VPS13B: variants seen among roughly 807,000 people sequenced by gnomAD.
The protein encoded by VPS13B is vacuolar protein sorting 13 homolog B, also known as intermembrane lipid transfer protein VPS13B.
In VPS13B, 285 loss-of-function variants were observed where a neutral mutation model predicts 426.4. The ratio of observed to expected loss-of-function variants is 0.67; its 90% CI spans 0.61 to 0.74. VPS13B has a LOEUF of 0.74. Among genes scored for constraint, VPS13B ranks in the 30% least tolerant of loss-of-function variants. The pLI, the probability that VPS13B is intolerant of heterozygous loss-of-function variation, is 0.00. For synonymous variants in VPS13B, 1,676 were observed against 1,676.4 expected (o/e 1.00, Z 0.01); for missense variants, 4,537 against 4,782.6 (o/e 0.95, Z 1.51).
intron 33 of VPS13B, among the ~76,000 whole-genome samples, chr8:99,614,809 A>G (rs1828008932): frequency 6.6e-6 from 1 of 152,084 alleles, no homozygotes; most frequent in Non-Finnish European, 1.5e-5. Flanking sequence ...GCCTTTACCA[A>G]GTTTCATGTT....
At chr8:99,064,630 G>C (rs886961508) in intron 3 of VPS13B, among the ~76,000 whole-genome samples, 6 of 152,318 alleles carry the variant, frequency 3.9e-5, no homozygotes, top group African/African-American at 1.4e-4. Context: ...ATCTGCTTTT[G>C]ATTAGTGTAC....
At chr8:99,209,491 A>T (rs1175317805) in intron 17 of VPS13B, 3 of 155,188 alleles carry the variant, frequency 1.9e-5, no homozygotes, top group African/African-American at 4.8e-5. Context: ...ATTCTGTTTT[A>T]GTAGGTAAGT....
At chr8:99,809,774 C>T (rs1813603630) in intron 44 of VPS13B, among the ~76,000 whole-genome samples, 1 of 152,126 alleles carries the variant, frequency 6.6e-6, no homozygotes, top group Non-Finnish European at 1.5e-5. Flanking sequence ...ATTTTAGTTT[C>T]ACCTCTTCTC....
At chr8:99,328,263 C>T (rs762052176) in intron 19 of VPS13B, among the ~76,000 whole-genome samples, 4 of 152,128 alleles carry the variant, frequency 2.6e-5, no homozygotes, top group Non-Finnish European at 4.4e-5. Context: ...GAACCAAGTC[C>T]GTGGTAAAAT....
chr8:99,382,796 A>G (rs952768383), intron 19 of VPS13B, among the ~76,000 whole-genome samples: 2 of 152,070 alleles, frequency 1.3e-5, no homozygotes, highest in African/African-American at 4.8e-5. Context: ...TCCTATCTGG[A>G]TAGCCTTTAT....
intron 14 of VPS13B, among the ~76,000 whole-genome samples, chr8:99,156,249 C>T (rs1416990133): frequency 6.6e-6 from 1 of 152,058 alleles, no homozygotes; most frequent in African/African-American, 2.4e-5. Context: ...AAAATATCTT[C>T]ATCATACTGA....
intron 3 of VPS13B, among the ~76,000 whole-genome samples, chr8:99,086,969 T>C (rs1413159655): frequency 6.6e-6 from 1 of 152,178 alleles, no homozygotes; most frequent in Non-Finnish European, 1.5e-5. Context: ...GGAGAACCAC[T>C]ACTCTCTTCA....
At chr8:99,060,618 A>AC (rs1844131586) in intron 3 of VPS13B, among the ~76,000 whole-genome samples, 1 of 151,778 alleles carries the variant, frequency 6.6e-6, no homozygotes, top group East Asian at 1.9e-4. Flanking sequence ...CAAAAACAAA[A>AC]AAAAAAATTG....
intron 21 of VPS13B, among the ~76,000 whole-genome samples, chr8:99,399,422 A>G (rs1286347072): frequency 6.6e-6 from 1 of 152,192 alleles, no homozygotes; most frequent in Non-Finnish European, 1.5e-5. Context: ...AAGGACTTCA[A>G]CAGATGCTAG....
chr8:99,366,622 C>T (rs982701691), intron 19 of VPS13B, among the ~76,000 whole-genome samples: 3 of 150,210 alleles, frequency 2.0e-5, no homozygotes. Context: ...TAAGTAAAGA[C>T]TTTCTTCTGC....
chr8:99,339,436 T>A (rs1474719220), intron 19 of VPS13B, among the ~76,000 whole-genome samples: 1 of 151,890 alleles, frequency 6.6e-6, no homozygotes, highest in Non-Finnish European at 1.5e-5. Flanking sequence ...AATGACCAGA[T>A]CTCATGAGAA....
chr8:99,831,640 A>G (rs1162706017), intron 51 of VPS13B, among the ~76,000 whole-genome samples: 1 of 152,186 alleles, frequency 6.6e-6, no homozygotes, highest in African/African-American at 2.4e-5. Flanking sequence ...ACATAGACCA[A>G]AAATATTCAG....
intron 35 of VPS13B, among the ~76,000 whole-genome samples, chr8:99,664,596 C>G (rs1830390226): frequency 6.6e-6 from 1 of 151,998 alleles, no homozygotes; most frequent in African/African-American, 2.4e-5. Context: ...TGATAGTTTG[C>G]TGAGAATGAT....
In VPS13B at chr8:99,594,302, T is replaced by C. The variant is rs115493452; in HGVS notation, c.5220+16669T>C. Among the ~76,000 whole-genome samples, 673 of 152,010 alleles carry C rather than the reference T, an allele frequency of 4.4e-3. 5 individuals carry two copies. The highest frequency in any genetic ancestry group is 0.014 in the African/African-American group (601 of 41,474). ...TCTGTGTGGCCTTGGACATGTTACT[T>C]TAATTCATGTGAGCTTCAATTTAAT... is the stretch of plus-strand genomic sequence containing the variant. On this transcript the variant is annotated intron_variant, in intron 33 of 61. Coordinates refer to ENST00000357162, the MANE Select transcript of VPS13B (RefSeq NM_152564.5).
chr8:99,014,049 T>C (rs1316350757), intron 2 of VPS13B, 114 bp downstream of exon 2: 33 of 1,304,100 alleles, frequency 2.5e-5, no homozygotes, highest in Non-Finnish European at 3.5e-5. Flanking sequence ...TCTACTGATG[T>C]ATTTTGAGCT....
intron 17 of VPS13B, among the ~76,000 whole-genome samples, chr8:99,211,170 T>A (rs6998284): frequency 0.83 from 125,158 of 151,602 alleles, 52,175 homozygotes; most frequent in South Asian, 0.89. Flanking sequence ...AGAGGCTGAA[T>A]GAAGTAGGCA....
At chr8:99,828,423 T>G (rs1814850084) in intron 51 of VPS13B, among the ~76,000 whole-genome samples, 3 of 106,810 alleles carry the variant, frequency 2.8e-5, no homozygotes, top group South Asian at 6.5e-4. Flanking sequence ...TTTTTTTTTT[T>G]TTTTTTTTTT....
chr8:99,702,931 A>G (rs1832344546), intron 36 of VPS13B, among the ~76,000 whole-genome samples: 2 of 152,212 alleles, frequency 1.3e-5, no homozygotes, highest in South Asian at 4.1e-4. Flanking sequence ...CACCATTGAG[A>G]ATGTGTTTTA....
intron 39 of VPS13B, among the ~76,000 whole-genome samples, chr8:99,750,833 G>T (rs928471200): frequency 2.6e-5 from 4 of 152,110 alleles, no homozygotes; most frequent in Non-Finnish European, 4.4e-5. Context: ...ATTGGGGAGG[G>T]CTGTTTGTTT....
Sources: gnomAD v4.1 joint callset for allele counts (sites outside exome capture counted in the v4.1 genomes callset) on GRCh38, gnomAD v4.1.1 for gene constraint, MANE v1.5 for transcripts, NCBI Gene and HGNC (gene_info 2026-07-23, HGNC 2026-07-21) for gene names.